TGFA: variants seen among roughly 807,000 people sequenced by gnomAD.
TGFA encodes protransforming growth factor alpha.
Under a neutral mutation model 21.7 loss-of-function variants are expected in TGFA, and 12 were observed. The ratio of observed to expected loss-of-function variants is 0.55; its 90% CI spans 0.35 to 0.90. TGFA has a LOEUF of 0.90. Ranked by LOEUF, TGFA falls within the 40% of genes least tolerant of loss-of-function variation. The pLI is 0.01. For missense variants in TGFA, 178 were observed against 210.8 expected, an observed-to-expected ratio of 0.84 and a Z score of 0.96; for synonymous variants, 79 against 88.1, an observed-to-expected ratio of 0.90 and a Z score of 0.58.
chr2:70,513,079 G>C (rs1339688394), intron 2 of TGFA, among the ~76,000 whole-genome samples: 1 of 152,192 alleles, frequency 6.6e-6, no homozygotes, highest in South Asian at 2.1e-4. Flanking sequence ...GGGAGGGTGA[G>C]GAAAACACAG....
At chr2:70,553,182 AC>A (rs1559150279) in intron 1 of TGFA, 2 of 1,535,624 alleles carry the variant, frequency 1.3e-6, no homozygotes, top group Non-Finnish European at 1.7e-6. Context: ...TCCAAAACCT[AC>A]CCCCAAAGCT....
intron 2 of TGFA, among the ~76,000 whole-genome samples, chr2:70,508,548 A>C (rs1226941520): frequency 6.6e-6 from 1 of 152,210 alleles, no homozygotes; most frequent in African/African-American, 2.4e-5. Flanking sequence ...CTTATTTATG[A>C]ATAAATCAAA....
chr2:70,520,972 C>G (rs2103873158), intron 1 of TGFA, among the ~76,000 whole-genome samples: 1 of 152,210 alleles, frequency 6.6e-6, no homozygotes. Flanking sequence ...CCTACACACC[C>G]AGCCTCCACA....
chr2:70,503,134 T>C (rs1671788027), intron 2 of TGFA, among the ~76,000 whole-genome samples: 1 of 152,162 alleles, frequency 6.6e-6, no homozygotes. Context: ...CGTATGTTTA[T>C]TGCAGCACTA....
At chr2:70,468,741 G>T (rs1670647223) in intron 2 of TGFA, among the ~76,000 whole-genome samples, 1 of 152,148 alleles carries the variant, frequency 6.6e-6, no homozygotes, top group South Asian at 2.1e-4. Flanking sequence ...TTGATGATCT[G>T]TCACTGTCTC....
chr2:70,454,644 T>C (rs1670169218), intron 4 of TGFA, among the ~76,000 whole-genome samples: 1 of 152,054 alleles, frequency 6.6e-6, no homozygotes, highest in South Asian at 2.1e-4. Context: ...GACAAGCTGG[T>C]CCCAACTTGG....
At chr2:70,498,108 C>G (rs782759278) in intron 2 of TGFA, among the ~76,000 whole-genome samples, 27 of 151,978 alleles carry the variant, frequency 1.8e-4, no homozygotes, top group Middle Eastern at 3.4e-3. Context: ...TTGGTGAGAT[C>G]TCAGAATCCA....
intron 2 of TGFA, among the ~76,000 whole-genome samples, chr2:70,478,229 G>C (rs1320904513): frequency 6.6e-6 from 1 of 152,182 alleles, no homozygotes; most frequent in Non-Finnish European, 1.5e-5. Flanking sequence ...TGGGGCAAAG[G>C]CTGCTTCTGC....
At chr2:70,527,801 C>T (rs186632692) in intron 1 of TGFA, among the ~76,000 whole-genome samples, 1 of 152,318 alleles carries the variant, frequency 6.6e-6, no homozygotes, top group East Asian at 1.9e-4. Flanking sequence ...CTATTACCAG[C>T]TGATGACAGT....
rs1393436271 is a variant in TGFA, at chr2:70,544,500, C to G, written c.40+9228G>C. Among the ~76,000 whole-genome samples the G allele has an allele frequency of 2.0e-5, 3 of 152,078 alleles. No individual in the cohort carries two copies. The East Asian group carries it at 5.8e-4, about 29-fold the overall frequency. The stretch of plus-strand genomic sequence containing the variant: ...TGAAAAAAAAGCTTTTATATACCAG[C>G]AATAACCAATTAGAATAGATAGCAG... On this transcript the variant is annotated intron_variant, in intron 1 of 5. Transcript: ENST00000295400.
At position 70,465,874 on chromosome 2, in the gene TGFA, A is replaced by C. The variant is rs11466243; in HGVS notation, c.95-138T>G. ...TTCTCACCTGGGGCACACCCTCCTC[A>C]GCTCTCACTTACTTTCTAAAGCCTA... On this transcript the variant is annotated intron_variant, in intron 2 of 5. Transcript: ENST00000295400. 1.7e-5 allele frequency: 21 copies of C among 1,256,848 alleles called. No homozygotes were observed. In the African/African-American group the frequency reaches 3.2e-4, roughly 19 times the overall value. The allele number at this position is 1,256,848 out of a possible 1,614,324, so 77.9% of individuals were successfully genotyped here. A position where few individuals can be genotyped will look rare whatever the true frequency, so the allele number is the denominator to read the frequency against.
At chr2:70,523,595 C>T (rs889557143) in intron 1 of TGFA, among the ~76,000 whole-genome samples, 5 of 152,268 alleles carry the variant, frequency 3.3e-5, no homozygotes, top group South Asian at 2.1e-4. Flanking sequence ...AAGTCCTCCA[C>T]GATGCCCCCT....
intron 2 of TGFA, among the ~76,000 whole-genome samples, chr2:70,480,635 C>G (rs952303519): frequency 1.6e-4 from 25 of 152,104 alleles, no homozygotes; most frequent in African/African-American, 6.0e-4. Flanking sequence ...GCCACCCCCA[C>G]CAACCACTTA....
At chr2:70,496,323 T>C (rs1373925248) in intron 2 of TGFA, among the ~76,000 whole-genome samples, 1 of 152,154 alleles carries the variant, frequency 6.6e-6, no homozygotes, top group Non-Finnish European at 1.5e-5. Flanking sequence ...CCCTCCAAAA[T>C]ATGCTTCTAC....
chr2:70,510,634 CTCAG>C (rs1559127270), intron 2 of TGFA, among the ~76,000 whole-genome samples: 1 of 152,210 alleles, frequency 6.6e-6, no homozygotes, highest in African/African-American at 2.4e-5. Context: ...CACCTCCAGC[CTCAG>C]TCACCACATC....
At chr2:70,451,847 T>C in intron 5 of TGFA, 1 of 669,700 alleles carries the variant, frequency 1.5e-6, no homozygotes, top group South Asian at 1.6e-5. Context: ...CCAAGCAGGC[T>C]GTCATCAGAC....
chr2:70,471,112 C>G (rs531892783), intron 2 of TGFA, among the ~76,000 whole-genome samples: 12 of 140,550 alleles, frequency 8.5e-5, no homozygotes, highest in African/African-American at 2.0e-4. Context: ...TCCCCGCACC[C>G]CCCCCACCAT....
In TGFA at chr2:70,456,194, A is replaced by G. The variant is rs540383163; in HGVS notation, c.365+145T>C. The G allele has an allele frequency of 3.6e-5, 42 of 1,179,758 alleles. No homozygotes were observed. In the South Asian group the frequency reaches 4.8e-4, roughly 14 times the overall value. 73.1% of individuals were successfully genotyped at this position (1,179,758 alleles called of 1,614,324 possible). A position where few individuals can be genotyped will look rare whatever the true frequency, so the allele number is the denominator to read the frequency against. ...CTGCCACGCCATGCCAACAGTCATC[A>G]AAGTAGCATTTAGCTTTCCTGACAG... On this transcript the variant is annotated intron_variant, in intron 4 of 5. Coordinates refer to ENST00000295400, the MANE Select transcript of TGFA (RefSeq NM_003236.4).
intron 1 of TGFA, among the ~76,000 whole-genome samples, chr2:70,550,737 C>T (rs528592322): frequency 1.3e-5 from 2 of 152,218 alleles, no homozygotes; most frequent in South Asian, 2.1e-4. Flanking sequence ...GGCAGAATGG[C>T]GTGAACCCGG....
Sources: allele counts gnomAD v4.1 joint callset (sites outside exome capture counted in the v4.1 genomes callset), GRCh38; gene constraint gnomAD v4.1.1; transcripts MANE v1.5; gene names NCBI Gene and HGNC (gene_info 2026-07-23, HGNC 2026-07-21).